The following UTRN variants were observed in gnomAD, a reference collection of about 807,000 sequenced individuals.
UTRN encodes the protein dystrophin-related protein 1.
UTRN carries 283 observed loss-of-function variants against 463.9 expected under a neutral mutation model. The observed-to-expected ratio is 0.61, with a 90% CI of 0.55 to 0.67. The LOEUF is 0.67. UTRN is among the 30% of genes least tolerant of loss of function. The probability of loss-of-function intolerance (pLI) is 0.00; values close to 1 mark genes in which losing one functional copy is unlikely to be tolerated. For missense variants in UTRN, 3,922 were observed against 4,084.3 expected (o/e 0.96, Z 1.08); for synonymous variants, 1,442 against 1,431.5 (o/e 1.01, Z -0.17).
intron 55 of UTRN, 60 bp downstream of exon 55, chr6:144,748,574 A>T: frequency 6.4e-7 from 1 of 1,560,840 alleles, no homozygotes; most frequent in Non-Finnish European, 8.6e-7. Flanking sequence ...ATATAACACA[A>T]ATAAAGAGAG....
intron 2 of UTRN, among the ~76,000 whole-genome samples, chr6:144,337,150 G>GAC (rs1225606645): frequency 4.1e-5 from 6 of 147,526 alleles, no homozygotes; most frequent in African/African-American, 1.5e-4. Context: ...CACACACAGA[G>GAC]ACACACACAC....
At chr6:144,548,040 T>C (rs890146048) in intron 46 of UTRN, among the ~76,000 whole-genome samples, 3 of 152,328 alleles carry the variant, frequency 2.0e-5, no homozygotes, top group Non-Finnish European at 2.9e-5. Context: ...ATTAAATACA[T>C]ACTTTTTTTT....
chr6:144,650,253 G>A (rs1227512218), intron 51 of UTRN, among the ~76,000 whole-genome samples: 1 of 152,130 alleles, frequency 6.6e-6, no homozygotes, highest in Non-Finnish European at 1.5e-5. Flanking sequence ...CACAACACGT[G>A]GGAATTATGG....
At chr6:144,704,202 G>T (rs1784855595) in intron 53 of UTRN, among the ~76,000 whole-genome samples, 1 of 152,086 alleles carries the variant, frequency 6.6e-6, no homozygotes, top group Non-Finnish European at 1.5e-5. Flanking sequence ...TTTTACTTGA[G>T]TCTGTTCCCT....
chr6:144,610,191 C>G (rs949215867), intron 51 of UTRN, among the ~76,000 whole-genome samples: 13 of 134,558 alleles, frequency 9.7e-5, no homozygotes, highest in African/African-American at 3.0e-4. Context: ...GCTAGACTAA[C>G]CAAGAAAAAA....
intron 21 of UTRN, among the ~76,000 whole-genome samples, chr6:144,459,729 T>C (rs372941502): frequency 3.3e-5 from 5 of 152,128 alleles, no homozygotes; most frequent in Admixed American, 3.3e-4. Context: ...TAGCTGGGAC[T>C]ACAGGCATGC....
At position 144,533,123 on chromosome 6, in the gene UTRN, T is replaced by G; in HGVS notation, c.6096T>G (p.Phe2032Leu). 1 of 1,613,828 alleles carries G rather than the reference T, an allele frequency of 6.2e-7. No homozygotes were observed. The highest frequency in any genetic ancestry group is 2.2e-5 in the East Asian group (1 of 44,848). Residue 2032 changes from phenylalanine (F) to leucine (L), a missense_variant, in exon 43 of 75, where the codon TTT (phenylalanine) becomes TTG (leucine). By Grantham distance (22) the Phe-to-Leu change is conservative. Transcript: ENST00000367545. ...EVGISSHQPS[F>L]AALNRTGDGI... Reference sequence around the variant, plus strand: ...GCATCAGCAGCCACCAGCCCAGTTTTGCAGCACTAAACCGAACTGGGGATG... The same window carrying G: ...GCATCAGCAGCCACCAGCCCAGTTTGGCAGCACTAAACCGAACTGGGGATG...
chr6:144,573,774 C>G (rs1801175298), intron 50 of UTRN, among the ~76,000 whole-genome samples: 1 of 151,956 alleles, frequency 6.6e-6, no homozygotes, highest in Non-Finnish European at 1.5e-5. Context: ...ATAAATAGGA[C>G]TCAGGAATAT....
intron 51 of UTRN, among the ~76,000 whole-genome samples, chr6:144,599,134 T>G (rs1040538358): frequency 1.3e-5 from 2 of 152,156 alleles, no homozygotes; most frequent in African/African-American, 4.8e-5. Context: ...TGTAAAGCAG[T>G]AGAATGTTTT....
intron 30 of UTRN, among the ~76,000 whole-genome samples, chr6:144,489,864 C>A (rs1449466484): frequency 3.3e-5 from 5 of 152,096 alleles, no homozygotes. Flanking sequence ...TCGTGATCCA[C>A]CCGCCTCGGC....
At position 144,830,741 on chromosome 6, in the gene UTRN, C is replaced by CT. The variant is rs1780606149; in HGVS notation, c.9665+1892dup. Among the ~76,000 whole-genome samples, 4 of 126,252 alleles carry CT rather than the reference C, an allele frequency of 3.2e-5. No individual in the cohort carries two copies. In the South Asian group the frequency reaches 8.2e-4, roughly 26 times the overall value. 82.8% of individuals were successfully genotyped at this position (126,252 alleles called of 152,430 possible). A position where few individuals can be genotyped will look rare whatever the true frequency, so the allele number is the denominator to read the frequency against. On this transcript the variant is annotated intron_variant, in intron 69 of 74. Coordinates refer to ENST00000367545, the MANE Select transcript of UTRN (RefSeq NM_007124.3). ...TTTTTTGTTTTTTGTTTTTTTTTTG[C>CT]TTTTTTAGCTCATCAGCTATCATTA...
intron 53 of UTRN, among the ~76,000 whole-genome samples, chr6:144,712,244 C>A (rs1785803705): frequency 6.6e-6 from 1 of 152,182 alleles, no homozygotes; most frequent in Non-Finnish European, 1.5e-5. Flanking sequence ...CCTGAAGCAG[C>A]AGTTCTGTCA....
At chr6:144,641,107 G>C (rs1043739199) in intron 51 of UTRN, among the ~76,000 whole-genome samples, 1 of 152,042 alleles carries the variant, frequency 6.6e-6, no homozygotes, top group African/African-American at 2.4e-5. Context: ...ATTTTGCCAG[G>C]GTTAAGGATG....
At chr6:144,494,843 G>A (rs1793445379) in intron 33 of UTRN, among the ~76,000 whole-genome samples, 1 of 151,536 alleles carries the variant, frequency 6.6e-6, no homozygotes, top group Admixed American at 6.6e-5. Flanking sequence ...GATACAGAGT[G>A]CCAATTGGTG....
chr6:144,585,008 G>C (rs906768956), intron 51 of UTRN, among the ~76,000 whole-genome samples: 1 of 151,952 alleles, frequency 6.6e-6, no homozygotes, highest in East Asian at 1.9e-4. Context: ...TAAGAGCAGG[G>C]TCATTTTCCT....
At chr6:144,328,556 G>A (rs1776123704) in intron 2 of UTRN, among the ~76,000 whole-genome samples, 1 of 144,502 alleles carries the variant, frequency 6.9e-6, no homozygotes, top group Non-Finnish European at 1.6e-5. Context: ...TTTAAAAATA[G>A]TATCTTAATT....
intron 2 of UTRN, chr6:144,344,090 C>G: frequency 2.4e-6 from 2 of 848,836 alleles, no homozygotes; most frequent in Non-Finnish European, 2.9e-6. Context: ...TAAAAGCCAC[C>G]AAAAAAAAAA....
intron 37 of UTRN, among the ~76,000 whole-genome samples, chr6:144,515,224 T>G (rs1481024220): frequency 1.3e-5 from 2 of 152,234 alleles, no homozygotes; most frequent in African/African-American, 4.8e-5. Context: ...TAAATTAAAA[T>G]GTTTTTAATC....
intron 59 of UTRN, among the ~76,000 whole-genome samples, chr6:144,773,904 G>C (rs1418301311): frequency 6.6e-6 from 1 of 152,150 alleles, no homozygotes; most frequent in Non-Finnish European, 1.5e-5. Flanking sequence ...CTTGGGGAAG[G>C]GGAATTCTGG....
Sources: allele counts gnomAD v4.1 joint callset (sites outside exome capture counted in the v4.1 genomes callset), GRCh38; gene constraint gnomAD v4.1.1; transcripts MANE v1.5; gene names NCBI Gene and HGNC (gene_info 2026-07-23, HGNC 2026-07-21).